Variants in ATF3 observed in about 807,000 individuals in gnomAD.
The protein encoded by ATF3 is cyclic AMP-dependent transcription factor ATF-3.
ATF3 carries 10 observed loss-of-function variants against 18.4 expected under a neutral mutation model. The observed-to-expected ratio is 0.54, with a 90% CI of 0.34 to 0.92. The LOEUF is 0.92. Among genes scored for constraint, ATF3 ranks in the 40% least tolerant of loss-of-function variants. The pLI is 0.02. For synonymous variants in ATF3, 78 were observed against 87.9 expected, an observed-to-expected ratio of 0.89 and a Z score of 0.63; for missense variants, 183 against 222.3, an observed-to-expected ratio of 0.82 and a Z score of 1.12.
rs1655237529 is a variant in ATF3 at position 212,618,667 on chromosome 1, T to C, written c.348+433T>C. 1 of 416,270 alleles carries C rather than the reference T, an allele frequency of 2.4e-6. No individual in the cohort carries two copies. Among genetic ancestry groups the C allele is most frequent in the African/African-American group, 2.0e-5 (1 of 49,670 alleles). 25.8% of individuals were successfully genotyped at this position (416,270 alleles called of 1,614,324 possible). A position where few individuals can be genotyped will look rare whatever the true frequency, so the allele number is the denominator to read the frequency against. On this transcript the variant is annotated intron_variant, in intron 3 of 3. Transcript: ENST00000341491. This position sits in a 1 kb window ranked among gnomAD's most constrained non-coding sequence, Gnocchi z 4.4. ...TTAATCCACAAGCAGTGGTTACACT[T>C]GCTTTGCATTCTTGTCTGGTTCCTA...
rs1351096809 is a variant in ATF3, at chr1:212,618,144, T to A, written c.258T>A (p.Asp86Glu). The A allele has an allele frequency of 6.2e-7, 1 of 1,613,804 alleles. No individual in the cohort carries two copies. Among genetic ancestry groups the A allele is most frequent in the Non-Finnish European group, 8.5e-7 (1 of 1,179,974 alleles). The change falls in exon 3 of 4, where the codon GAT (aspartate) becomes GAA (glutamate). Residue 86 changes from aspartate to glutamate, a missense_variant. Asp to Glu is a conservative substitution (Grantham distance 45). Coordinates refer to ENST00000341491, the MANE Select transcript of ATF3 (RefSeq NM_001674.4). The surrounding 1 kb of genome is among the most constrained non-coding windows in gnomAD (Gnocchi z 4.4). Reference sequence around the variant, plus strand: ...TTTTACAGGTAGCCCCTGAAGAAGATGAAAGGAAAAAGAGGCGACGAGAAA... The same window carrying A: ...TTTTACAGGTAGCCCCTGAAGAAGAAGAAAGGAAAAAGAGGCGACGAGAAA... Reference protein sequence around the residue: ...ITKAEVAPEEDERKKRRRERN... With the variant: ...ITKAEVAPEEEERKKRRRERN...
At chr1:212,565,531 T>G (rs1664361698) in intron 1 of ATF3, 1 of 152,250 alleles carries the variant, frequency 6.6e-6, no homozygotes. Context: ...GGGAAAAATG[T>G]TACAGGAGAA....
chr1:212,578,961 A>G (rs189676448), intron 1 of ATF3, among the ~76,000 whole-genome samples: 1 of 150,446 alleles, frequency 6.6e-6, no homozygotes, highest in Non-Finnish European at 1.5e-5. Flanking sequence ...ACACCCCTAG[A>G]CAAGCAACTT....
rs935951503 is a variant in ATF3 at position 212,616,528 on chromosome 1, C to T, written c.240+1267C>T. ...GGCCAGGCTGGTCTCGAACTCCTGA[C>T]CTCAGGTAATCCGCCCGCCTCGGCC... is the stretch of plus-strand genomic sequence containing the variant. On this transcript the variant is annotated intron_variant, in intron 2 of 3. Coordinates refer to ENST00000341491, the MANE Select transcript of ATF3 (RefSeq NM_001674.4). 5.3e-5 allele frequency among the ~76,000 whole-genome samples: 8 copies of T among 152,116 alleles called. No homozygotes were observed. The South Asian group carries it at 1.7e-3, about 32-fold the overall frequency.
intron 1 of ATF3, among the ~76,000 whole-genome samples, chr1:212,569,790 A>C (rs1371661247): frequency 6.6e-6 from 1 of 152,168 alleles, no homozygotes; most frequent in East Asian, 1.9e-4. Context: ...TGATTCATCA[A>C]TATTGTAAAT....
chr1:212,571,055 G>T (rs571537649), intron 1 of ATF3, among the ~76,000 whole-genome samples: 1 of 152,252 alleles, frequency 6.6e-6, no homozygotes, highest in South Asian at 2.1e-4. Flanking sequence ...TTCTCCAAAG[G>T]TGTTATACCA....
At chr1:212,593,743 TAAAAAAAAAAAAAAA>T (rs58956572) in intron 1 of ATF3, among the ~76,000 whole-genome samples, 2 of 115,402 alleles carry the variant, frequency 1.7e-5, no homozygotes, top group Non-Finnish European at 3.5e-5. Context: ...CCTGTCTCTT[TAAAAAAAAAAAAAAA>T]AAAAAAAAAA....
chr1:212,602,552 G>A (rs563137673), intron 1 of ATF3, among the ~76,000 whole-genome samples: 1 of 152,178 alleles, frequency 6.6e-6, no homozygotes, highest in East Asian at 1.9e-4. Context: ...CTCAGACTTG[G>A]GAGTCAGACT....
intron 1 of ATF3, among the ~76,000 whole-genome samples, chr1:212,610,127 C>G (rs1654834400): frequency 6.6e-6 from 1 of 152,222 alleles, no homozygotes; most frequent in Admixed American, 6.5e-5. Context: ...TGGATTCGTT[C>G]TCCTTCTCTG....
intron 1 of ATF3, among the ~76,000 whole-genome samples, chr1:212,570,976 A>G (rs752945281): frequency 6.6e-5 from 10 of 152,200 alleles, no homozygotes; most frequent in Non-Finnish European, 8.8e-5. Flanking sequence ...TCTTGGATAA[A>G]TACCTATGGG....
At chr1:212,604,057 A>T (rs916141190), upstream of ATF3, among the ~76,000 whole-genome samples, 14 of 152,188 alleles carry the variant, frequency 9.2e-5, no homozygotes, top group South Asian at 1.7e-3. Context: ...ATGACAAAAA[A>T]ATTATAGTAA....
intron 1 of ATF3, among the ~76,000 whole-genome samples, chr1:212,583,212 T>C (rs185346698): frequency 5.3e-4 from 81 of 152,254 alleles, no homozygotes; most frequent in African/African-American, 1.4e-3. Context: ...GTGACTTTGT[T>C]ACCTAATTTC....
chr1:212,574,261 CTTATT>C (rs1438591734), intron 1 of ATF3, among the ~76,000 whole-genome samples: 1 of 151,808 alleles, frequency 6.6e-6, no homozygotes, highest in African/African-American at 2.4e-5. Flanking sequence ...ATATTGTGCT[CTTATT>C]TTAATTATCT....
intron 2 of ATF3, among the ~76,000 whole-genome samples, chr1:212,617,624 A>G (rs868786760): frequency 2.0e-5 from 3 of 152,152 alleles, no homozygotes; most frequent in Non-Finnish European, 4.4e-5. Flanking sequence ...AAATTTGGGA[A>G]GCTGGTGCTC....
At position 212,618,744 on chromosome 1, in the gene ATF3, G is replaced by A. The variant is rs1251046428; in HGVS notation, c.348+510G>A. The A allele has an allele frequency of 2.0e-5, 10 of 498,776 alleles. No individual in the cohort carries two copies. Among genetic ancestry groups the A allele is most frequent in the Admixed American group, 3.2e-5 (1 of 30,774 alleles). The allele number at this position is 498,776 out of a possible 1,614,324, so 30.9% of individuals were successfully genotyped here. ...GCCAGTAAGCTGAGCCCCTGGCTGC[G>A]TTCAGCCGGCCCGCCTGAGAGACAC... On this transcript the variant is annotated intron_variant, in intron 3 of 3. Transcript: ENST00000341491. The surrounding 1 kb of genome is among the most constrained non-coding windows in gnomAD (Gnocchi z 4.4).
intron 1 of ATF3, among the ~76,000 whole-genome samples, chr1:212,610,439 A>G (rs908201221): frequency 8.5e-5 from 13 of 152,170 alleles, no homozygotes; most frequent in Admixed American, 7.9e-4. Context: ...TTGTAGAATA[A>G]TGCTACAACA....
chr1:212,618,846 C>G lies in ATF3; in HGVS notation c.349-512C>G. ...TCTTTCCAGTGGCTGTGTCCCTCCT[C>G]CAAATGTGGACAGGCCATGACAGAG... is the stretch of plus-strand genomic sequence containing the variant. On this transcript the variant is annotated intron_variant, in intron 3 of 3. Coordinates refer to ENST00000341491, the MANE Select transcript of ATF3 (RefSeq NM_001674.4). The surrounding 1 kb of genome is among the most constrained non-coding windows in gnomAD (Gnocchi z 4.4). 1 of 670,358 alleles carries G rather than the reference C, an allele frequency of 1.5e-6. No homozygotes were observed. Among genetic ancestry groups the G allele is most frequent in the Non-Finnish European group, 2.6e-6 (1 of 388,982 alleles). 41.5% of individuals were successfully genotyped at this position (670,358 alleles called of 1,614,324 possible). A position where few individuals can be genotyped will look rare whatever the true frequency, so the allele number is the denominator to read the frequency against.
intron 1 of ATF3, chr1:212,613,521 C>A (rs1654979522): frequency 6.6e-6 from 1 of 152,192 alleles, no homozygotes; most frequent in Non-Finnish European, 1.5e-5. Flanking sequence ...ATTATCTCAT[C>A]TATAAAAGGC....
intron 1 of ATF3, 145 bp downstream of exon 1, chr1:212,609,075 T>A (rs1048923603): frequency 6.6e-6 from 1 of 152,322 alleles, no homozygotes; most frequent in Non-Finnish European, 1.5e-5. Flanking sequence ...AACTCTGGCT[T>A]AAACTTCTTC....
Sources: gnomAD v4.1 joint callset for allele counts (sites outside exome capture counted in the v4.1 genomes callset) on GRCh38, gnomAD v4.1.1 for gene constraint, Gnocchi (gnomAD v3.1) non-coding constraint, MANE v1.5 for transcripts, NCBI Gene and HGNC (gene_info 2026-07-23, HGNC 2026-07-21) for gene names.